The following COG5 variants were observed in gnomAD, a reference collection of about 807,000 sequenced individuals.
The protein encoded by COG5 is conserved oligomeric Golgi complex subunit 5.
COG5 carries 86 observed loss-of-function variants against 110.4 expected under a neutral mutation model. The ratio of observed to expected loss-of-function variants is 0.78; its 90% CI spans 0.65 to 0.93. The LOEUF is 0.93. Among genes scored for constraint, COG5 ranks in the 40% least tolerant of loss-of-function variants. COG5 has a pLI of 0.00. For synonymous variants in COG5, 360 were observed against 334.6 expected (o/e 1.08, Z -0.83); for missense variants, 1,077 against 987.0 (o/e 1.09, Z -1.22).
chr7:107,450,503 T>TC (rs1428015167), intron 6 of COG5: 1 of 152,170 alleles, frequency 6.6e-6, no homozygotes, highest in African/African-American at 2.4e-5. Context: ...ATTAAGAAAA[T>TC]CATTGAAGAG....
intron 12 of COG5, among the ~76,000 whole-genome samples, chr7:107,287,734 T>C (rs1165062125): frequency 6.6e-6 from 1 of 152,204 alleles, no homozygotes; most frequent in Non-Finnish European, 1.5e-5. Context: ...TGGGATAATA[T>C]ACTGTGTGTA....
chr7:107,460,686 G>A (rs765553819), intron 6 of COG5, among the ~76,000 whole-genome samples: 1 of 152,006 alleles, frequency 6.6e-6, no homozygotes, highest in South Asian at 2.1e-4. Context: ...AATTATTTCT[G>A]AAGATTGAGA....
At chr7:107,471,731 T>A (rs754951328) in intron 6 of COG5, 1 of 152,032 alleles carries the variant, frequency 6.6e-6, no homozygotes, top group African/African-American at 2.4e-5. Context: ...AAATACTTTA[T>A]CAGCACACAA....
At chr7:107,447,482 G>A (rs1298032172) in intron 6 of COG5, among the ~76,000 whole-genome samples, 2 of 152,074 alleles carry the variant, frequency 1.3e-5, no homozygotes, top group Admixed American at 6.6e-5. Context: ...TTTGTCACAC[G>A]ATAATATACA....
At chr7:107,377,446 T>A (rs1313957570) in intron 7 of COG5, among the ~76,000 whole-genome samples, 1 of 152,226 alleles carries the variant, frequency 6.6e-6, no homozygotes, top group Admixed American at 6.5e-5. Flanking sequence ...TGGTAATTTG[T>A]GCCTCTTTTT....
chr7:107,461,217 T>G (rs757220440), intron 6 of COG5, among the ~76,000 whole-genome samples: 9 of 152,048 alleles, frequency 5.9e-5, no homozygotes, highest in Non-Finnish European at 1.2e-4. Flanking sequence ...GATACAACCA[T>G]GCAATATCTA....
intron 6 of COG5, among the ~76,000 whole-genome samples, chr7:107,482,344 T>C (rs969452343): frequency 7.2e-5 from 11 of 151,914 alleles, no homozygotes; most frequent in African/African-American, 2.7e-4. Flanking sequence ...CAGGGTCTCA[T>C]TATGTTGCCC....
chr7:107,284,759 A>C (rs1805488897), intron 12 of COG5, among the ~76,000 whole-genome samples: 1 of 152,110 alleles, frequency 6.6e-6, no homozygotes, highest in Non-Finnish European at 1.5e-5. Context: ...TCTTTCGACA[A>C]TTACTATCAA....
At chr7:107,346,122 G>A (rs1450998768) in intron 10 of COG5, among the ~76,000 whole-genome samples, 2 of 152,084 alleles carry the variant, frequency 1.3e-5, no homozygotes, top group East Asian at 3.8e-4. Context: ...ATTCATAACT[G>A]ATTGCTAGAA....
chr7:107,283,298 T>C (rs1465536438), intron 13 of COG5, among the ~76,000 whole-genome samples: 1 of 152,200 alleles, frequency 6.6e-6, no homozygotes, highest in African/African-American at 2.4e-5. Context: ...TTTACTATGA[T>C]ACAAAGAGCT....
chr7:107,267,273 A>G (rs1803875116), intron 14 of COG5, among the ~76,000 whole-genome samples: 2 of 152,194 alleles, frequency 1.3e-5, no homozygotes, highest in South Asian at 2.1e-4. Context: ...CCACCTGGCA[A>G]TACAGGGGAT....
At chr7:107,462,611 T>TAAAAAAAA (rs370588173) in intron 6 of COG5, among the ~76,000 whole-genome samples, 1 of 112,110 alleles carries the variant, frequency 8.9e-6, no homozygotes, top group Non-Finnish European at 1.9e-5. Context: ...GAAAAATGCC[T>TAAAAAAAA]AAAAAAAAAA....
chr7:107,201,552 G>C lies in COG5; in HGVS notation c.*1964C>G. 1 of 556,698 alleles carries C rather than the reference G, an allele frequency of 1.8e-6. No homozygotes were observed. The highest frequency in any genetic ancestry group is 2.9e-5 in the South Asian group (1 of 35,054). The allele number at this position is 556,698 out of a possible 1,614,324, so 34.5% of individuals were successfully genotyped here. ...TTCGTGTGACCATAAGATACTGATA[G>C]CATTGAGTCTTGAAATGATTTAATA... On this transcript the variant is annotated 3_prime_UTR_variant, in exon 22 of 22. Coordinates refer to ENST00000297135, the MANE Select transcript of COG5 (RefSeq NM_006348.5).
chr7:107,422,442 G>A (rs529925492), intron 6 of COG5, among the ~76,000 whole-genome samples: 6 of 152,210 alleles, frequency 3.9e-5, no homozygotes, highest in South Asian at 2.1e-4. Flanking sequence ...CAGCAGAATC[G>A]CTTGAACCCC....
At chr7:107,269,214 G>T (rs191529635) in intron 14 of COG5, among the ~76,000 whole-genome samples, 4 of 152,026 alleles carry the variant, frequency 2.6e-5, no homozygotes, top group African/African-American at 7.2e-5. Context: ...GGTGGCTCAC[G>T]CCTGTAATCC....
chr7:107,410,128 T>C (rs942297455), intron 7 of COG5, among the ~76,000 whole-genome samples: 1 of 152,178 alleles, frequency 6.6e-6, no homozygotes, highest in African/African-American at 2.4e-5. Flanking sequence ...GCAGGAGTAG[T>C]AGAAAGGCAA....
intron 21 of COG5, 165 bp downstream of exon 21, chr7:107,210,361 C>T: frequency 1.1e-5 from 16 of 1,438,088 alleles, no homozygotes; most frequent in Non-Finnish European, 1.5e-5. Flanking sequence ...ACATTTCCAA[C>T]TGCTGGTTGC....
intron 10 of COG5, among the ~76,000 whole-genome samples, chr7:107,349,122 A>C (rs546865890): frequency 1.4e-4 from 22 of 152,338 alleles, no homozygotes; most frequent in African/African-American, 5.3e-4. Context: ...AATTGTACAT[A>C]TTTTTAAACA....
intron 6 of COG5, among the ~76,000 whole-genome samples, chr7:107,457,577 C>T (rs1171858965): frequency 1.3e-4 from 19 of 151,962 alleles, no homozygotes; most frequent in Middle Eastern, 3.4e-3. Flanking sequence ...TACAGGTGCC[C>T]GCCACCATGC....
Sources: allele counts gnomAD v4.1 joint callset (sites outside exome capture counted in the v4.1 genomes callset), GRCh38; gene constraint gnomAD v4.1.1; transcripts MANE v1.5; gene names NCBI Gene and HGNC (gene_info 2026-07-23, HGNC 2026-07-21).